Variants in PRSS23 observed in about 807,000 individuals in gnomAD.
The protein encoded by PRSS23 is serine protease 23.
A neutral mutation model predicts 34.7 loss-of-function variants in PRSS23; 25 were observed. The observed-to-expected ratio is 0.72, with a 90% CI of 0.53 to 1.01. The LOEUF (loss-of-function observed/expected upper bound fraction) is 1.01, where lower values mean the gene tolerates loss of function less well. Among genes scored for constraint, PRSS23 ranks in the 50% least tolerant of loss-of-function variants. PRSS23 has a pLI of 0.00. For missense variants in PRSS23, 445 were observed against 475.6 expected, an observed-to-expected ratio of 0.94 and a Z score of 0.60; for synonymous variants, 176 against 186.6, an observed-to-expected ratio of 0.94 and a Z score of 0.46.
In PRSS23 at chr11:86,913,102, T is replaced by C. The variant is rs577540670; in HGVS notation, c.207-38114T>C. Among the ~76,000 whole-genome samples the C allele has an allele frequency of 2.0e-5, 3 of 152,294 alleles. No individual in the cohort carries two copies. In the South Asian group the frequency reaches 6.2e-4, roughly 32 times the overall value. On this transcript the variant is annotated intron_variant, in intron 2 of 2. Coordinates refer to the PRSS23 transcript ENST00000533902. ...TAGGTAGAGTTTTATACATAAAATT[T>C]TGGGCTCCCTTTCCATTGTTTTATC... is the stretch of plus-strand genomic sequence containing the variant.
At chr11:86,830,131 T>C (rs999355918) in intron 2 of PRSS23, among the ~76,000 whole-genome samples, 1 of 152,222 alleles carries the variant, frequency 6.6e-6, no homozygotes, top group Non-Finnish European at 1.5e-5. Context: ...CCTTGAGCTG[T>C]GGTGGGCTCC....
chr11:86,807,595 C>T, intron 1 of PRSS23, 36 bp from the exon 2 acceptor site: 1 of 1,523,628 alleles, frequency 6.6e-7, no homozygotes, highest in Non-Finnish European at 8.9e-7. Flanking sequence ...ACGTTCAGCC[C>T]TTGCCCTCCT....
chr11:86,944,212 C>T (rs895122695), intron 2 of PRSS23, among the ~76,000 whole-genome samples: 1 of 151,714 alleles, frequency 6.6e-6, no homozygotes, highest in Non-Finnish European at 1.5e-5. Flanking sequence ...ATCTCTGTGT[C>T]GGCCTTCCCA....
chr11:86,952,525 A>C (rs1949303594), exon 3 of PRSS23: 1 of 1,589,446 alleles, frequency 6.3e-7, no homozygotes, highest in African/African-American at 1.3e-5. Context: ...TGGAAGTTTG[A>C]CCAAATGCTC....
intron 2 of PRSS23, among the ~76,000 whole-genome samples, chr11:86,838,165 A>T (rs1948421069): frequency 6.6e-6 from 1 of 151,994 alleles, no homozygotes; most frequent in African/African-American, 2.4e-5. Context: ...TTTGATCTGC[A>T]TTGACACAGG....
chr11:86,836,917 C>G (rs1948410342), intron 2 of PRSS23: 1 of 152,340 alleles, frequency 6.6e-6, no homozygotes, highest in Non-Finnish European at 1.5e-5. Flanking sequence ...AAGCAATTCA[C>G]AAGTAATGTT....
rs1948676989 is a variant in PRSS23 at position 86,870,328 on chromosome 11, G to A, written c.206+46735G>A. On this transcript the variant is annotated intron_variant, in intron 2 of 2. Transcript: ENST00000533902. ...ATTATCCCACCTATGTCAACATCCT[G>A]TCGTATTTATTGGATGGTTGGATCT... 4.6e-5 allele frequency among the ~76,000 whole-genome samples: 7 copies of A among 151,978 alleles called. No homozygotes were observed. The South Asian group carries it at 1.2e-3, about 27-fold the overall frequency.
intron 2 of PRSS23, chr11:86,833,014 A>AC: frequency 2.3e-6 from 1 of 434,428 alleles, no homozygotes; most frequent in Non-Finnish European, 4.3e-6. Flanking sequence ...GAAAAAAAAA[A>AC]ACACAAAACT....
chr11:86,795,289 T>A (rs1164317602), intron 1 of PRSS23, among the ~76,000 whole-genome samples: 1 of 152,228 alleles, frequency 6.6e-6, no homozygotes. Flanking sequence ...TGTGCTGAGC[T>A]CGATGCTATG....
intron 2 of PRSS23, among the ~76,000 whole-genome samples, chr11:86,929,895 C>G (rs1450777726): frequency 6.6e-6 from 1 of 151,956 alleles, no homozygotes; most frequent in Non-Finnish European, 1.5e-5. Flanking sequence ...GGAAAACTGC[C>G]AAAACATAAA....
Position 86,842,316 on chromosome 11 carries a change from A to G in PRSS23, c.206+18723A>G, listed in dbSNP as rs1428590951. On this transcript the variant is annotated intron_variant, in intron 2 of 2. Coordinates refer to the PRSS23 transcript ENST00000533902. Reference sequence around the variant, plus strand: ...TAAGAGCTATTTATGACAAACCCACAGCCAATATCATACTGAATGGGCAAC... The same window carrying G: ...TAAGAGCTATTTATGACAAACCCACGGCCAATATCATACTGAATGGGCAAC... Among the ~76,000 whole-genome samples, 4 of 152,232 alleles carry G rather than the reference A, an allele frequency of 2.6e-5. 1 individual carries two copies. In the East Asian group the frequency reaches 7.7e-4, roughly 29 times the overall value.
intron 2 of PRSS23, among the ~76,000 whole-genome samples, chr11:86,891,803 C>T (rs573798490): frequency 1.7e-4 from 26 of 152,176 alleles, no homozygotes; most frequent in Non-Finnish European, 3.1e-4. Context: ...TGAGTTCTCA[C>T]GAGATCTGAT....
intron 2 of PRSS23, among the ~76,000 whole-genome samples, chr11:86,920,558 C>T (rs1949041472): frequency 6.6e-6 from 1 of 152,150 alleles, no homozygotes; most frequent in Non-Finnish European, 1.5e-5. Flanking sequence ...TGACAGAGAA[C>T]AGGACACTTA....
intron 2 of PRSS23, among the ~76,000 whole-genome samples, chr11:86,900,530 C>T (rs1175639013): frequency 2.0e-5 from 3 of 152,202 alleles, no homozygotes; most frequent in African/African-American, 7.2e-5. Context: ...ATGAAATCCA[C>T]ATTCTTTACC....
chr11:86,823,452 G>A (rs547527417), exon 2 of PRSS23: 16 of 702,350 alleles, frequency 2.3e-5, no homozygotes, highest in East Asian at 1.9e-4. Context: ...ACTGTGAAGC[G>A]AGAGGGCTCA....
At chr11:86,922,576 T>C (rs72961481) in intron 2 of PRSS23, among the ~76,000 whole-genome samples, 12 of 152,324 alleles carry the variant, frequency 7.9e-5, no homozygotes, top group Admixed American at 3.3e-4. Context: ...GCAGATACAA[T>C]ACCTGGGACA....
intron 2 of PRSS23, among the ~76,000 whole-genome samples, chr11:86,940,234 A>G (rs1949197865): frequency 6.6e-6 from 1 of 152,140 alleles, no homozygotes; most frequent in Non-Finnish European, 1.5e-5. Flanking sequence ...CTCCAGGGCT[A>G]CTTGGTCAGT....
chr11:86,929,328 A>AC (rs1200620402), intron 2 of PRSS23, among the ~76,000 whole-genome samples: 6 of 149,430 alleles, frequency 4.0e-5, no homozygotes, highest in African/African-American at 1.5e-4. Flanking sequence ...GTCTCAAAAA[A>AC]AAAAAACAAA....
At chr11:86,869,331 G>T (rs138647529) in intron 2 of PRSS23, among the ~76,000 whole-genome samples, 2 of 152,294 alleles carry the variant, frequency 1.3e-5, no homozygotes, top group South Asian at 2.1e-4. Context: ...GTTCACAGAA[G>T]TCATTTTCTG....
Sources: gnomAD v4.1 joint callset for allele counts (sites outside exome capture counted in the v4.1 genomes callset) on GRCh38, gnomAD v4.1.1 for gene constraint, MANE v1.5 for transcripts, NCBI Gene and HGNC (gene_info 2026-07-23, HGNC 2026-07-21) for gene names.